ODAD2: variants seen among roughly 807,000 people sequenced by gnomAD.
ODAD2 encodes the protein outer dynein arm docking complex subunit 2.
Under a neutral mutation model 106.8 loss-of-function variants are expected in ODAD2, and 89 were observed. The observed-to-expected ratio is 0.83, with a 90% CI of 0.70 to 0.99. The LOEUF is 0.99. ODAD2 is among the 50% of genes least tolerant of loss of function. ODAD2 has a pLI of 0.00. For synonymous variants in ODAD2, 404 were observed against 436.2 expected (o/e 0.93, Z 0.92); for missense variants, 1,168 against 1,238.5 (o/e 0.94, Z 0.85).
chr10:27,952,455 G>C (rs117525151), intron 10 of ODAD2, among the ~76,000 whole-genome samples: 9,346 of 151,704 alleles, frequency 0.062, 371 homozygotes, highest in East Asian at 0.18. Flanking sequence ...TTGTTACATA[G>C]GTAAACGTGT....
chr10:27,988,337 C>CTTTT (rs5784035), intron 2 of ODAD2, among the ~76,000 whole-genome samples: 2 of 128,790 alleles, frequency 1.6e-5, no homozygotes, highest in African/African-American at 3.0e-5. Context: ...CCTGATCTAG[C>CTTTT]TTTTTTTTTT....
chr10:27,864,853 CA>C (rs111883255), intron 17 of ODAD2, among the ~76,000 whole-genome samples: 3,284 of 152,230 alleles, frequency 0.022, 136 homozygotes, highest in African/African-American at 0.075. Flanking sequence ...ACGCACTTCA[CA>C]TAAGTTATTT....
chr10:27,922,062 T>C (rs2133970390), intron 16 of ODAD2, among the ~76,000 whole-genome samples: 1 of 146,104 alleles, frequency 6.8e-6, no homozygotes, highest in South Asian at 2.1e-4. Flanking sequence ...AGGCACTTGG[T>C]AGGCTGAGGT....
At chr10:27,916,827 A>T (rs1844407964) in intron 16 of ODAD2, among the ~76,000 whole-genome samples, 1 of 152,162 alleles carries the variant, frequency 6.6e-6, no homozygotes. Context: ...GGGGAAGCCA[A>T]AAGTTATACA....
intron 17 of ODAD2, among the ~76,000 whole-genome samples, chr10:27,874,137 T>C (rs1431262269): frequency 6.6e-6 from 1 of 152,230 alleles, no homozygotes; most frequent in African/African-American, 2.4e-5. Flanking sequence ...TTTTGATCTT[T>C]GTTGGTTTAA....
intron 14 of ODAD2, among the ~76,000 whole-genome samples, chr10:27,937,807 C>T (rs998574755): frequency 2.0e-5 from 3 of 152,162 alleles, no homozygotes; most frequent in East Asian, 3.8e-4. Flanking sequence ...TTACAGGCAC[C>T]TTCTAAAAAT....
intron 19 of ODAD2, among the ~76,000 whole-genome samples, chr10:27,835,331 G>A (rs897246770): frequency 6.6e-6 from 1 of 152,208 alleles, no homozygotes. Flanking sequence ...TTAATTCAGG[G>A]AGGTGAGATG....
At chr10:27,948,415 C>T (rs1847090301) in intron 10 of ODAD2, among the ~76,000 whole-genome samples, 3 of 152,136 alleles carry the variant, frequency 2.0e-5, no homozygotes, top group Admixed American at 6.6e-5. Context: ...CAAATGTTAG[C>T]CAATTGCTAT....
chr10:27,906,185 C>G (rs902108747), intron 17 of ODAD2, among the ~76,000 whole-genome samples: 7 of 152,084 alleles, frequency 4.6e-5, no homozygotes, highest in African/African-American at 1.7e-4. Context: ...ACAACTCCAT[C>G]AAAAAGTGGG....
intron 19 of ODAD2, chr10:27,853,364 C>T: frequency 4.9e-6 from 1 of 204,826 alleles, no homozygotes; most frequent in Admixed American, 5.3e-5. Flanking sequence ...GAGACTCTGT[C>T]TATAAATAAA....
chr10:27,897,475 C>G (rs1161135049), intron 17 of ODAD2, among the ~76,000 whole-genome samples: 1 of 152,168 alleles, frequency 6.6e-6, no homozygotes, highest in Non-Finnish European at 1.5e-5. Flanking sequence ...AACATCCAAT[C>G]ACTCACCAAT....
chr10:27,994,520 A>T (rs1242904445), intron 2 of ODAD2, among the ~76,000 whole-genome samples: 1 of 152,124 alleles, frequency 6.6e-6, no homozygotes, highest in East Asian at 1.9e-4. Context: ...ACTTGAGGCC[A>T]GGAATTTGAG....
chr10:27,851,476 A>T (rs1839257676), intron 19 of ODAD2, among the ~76,000 whole-genome samples: 1 of 152,080 alleles, frequency 6.6e-6, no homozygotes, highest in Non-Finnish European at 1.5e-5. Context: ...AAAAGACTCA[A>T]CATGTCAAGT....
chr10:27,977,871 C>A (rs1246115989), intron 7 of ODAD2, among the ~76,000 whole-genome samples: 1 of 152,142 alleles, frequency 6.6e-6, no homozygotes, highest in Admixed American at 6.5e-5. Flanking sequence ...AAAAGACTGA[C>A]CATATCAGTT....
intron 19 of ODAD2, among the ~76,000 whole-genome samples, chr10:27,826,402 G>T (rs1270454248): frequency 6.6e-6 from 1 of 152,074 alleles, no homozygotes; most frequent in Non-Finnish European, 1.5e-5. Context: ...CCACCCAGGT[G>T]TCTCTCTCAT....
chr10:27,849,115 C>T (rs535495600), intron 19 of ODAD2, among the ~76,000 whole-genome samples: 7 of 152,288 alleles, frequency 4.6e-5, no homozygotes, highest in African/African-American at 7.2e-5. Flanking sequence ...ATGTTTACTG[C>T]GTCACTGTTC....
chr10:27,892,824 G>C (rs1054920267), intron 17 of ODAD2, among the ~76,000 whole-genome samples: 6 of 152,172 alleles, frequency 3.9e-5, no homozygotes, highest in Non-Finnish European at 8.8e-5. Flanking sequence ...CTCAATCACT[G>C]ATAGGTAGCT....
chr10:27,952,074 C>CAAAAAAAAAAA (rs71388944), intron 10 of ODAD2, among the ~76,000 whole-genome samples: 11 of 44,020 alleles, frequency 2.5e-4, no homozygotes, highest in Non-Finnish European at 3.6e-4. Context: ...GATGCCAACT[C>CAAAAAAAAAAA]AAAAAAAAAA....
intron 19 of ODAD2, among the ~76,000 whole-genome samples, chr10:27,817,476 AT>A (rs1836231403): frequency 6.6e-6 from 1 of 152,082 alleles, no homozygotes; most frequent in African/African-American, 2.4e-5. Context: ...CCAATAGGTA[AT>A]TTTTTAACCC....
Sources: allele counts gnomAD v4.1 joint callset (sites outside exome capture counted in the v4.1 genomes callset), GRCh38; gene constraint gnomAD v4.1.1; transcripts MANE v1.5; gene names NCBI Gene and HGNC (gene_info 2026-07-23, HGNC 2026-07-21).